Variants in PCSK6 observed in about 807,000 individuals in gnomAD.
The protein encoded by PCSK6 is proprotein convertase subtilisin/kexin type 6, also known as paired basic amino acid cleaving enzyme 4.
Under a neutral mutation model 123.3 loss-of-function variants are expected in PCSK6, and 85 were observed. That is an observed-to-expected ratio of 0.69 (90% CI 0.58 to 0.83). PCSK6 has a LOEUF of 0.83. PCSK6 is among the 40% of genes least tolerant of loss of function. PCSK6 has a pLI of 0.00. For synonymous variants in PCSK6, 508 were observed against 516.0 expected, an observed-to-expected ratio of 0.98 and a Z score of 0.21; for missense variants, 1,191 against 1,282.3, an observed-to-expected ratio of 0.93 and a Z score of 1.09.
At chr15:101,399,310 A>C (rs2042516023) in intron 6 of PCSK6, among the ~76,000 whole-genome samples, 1 of 152,212 alleles carries the variant, frequency 6.6e-6, no homozygotes, top group Admixed American at 6.5e-5. Context: ...CGTATAACTT[A>C]TGATGAACCA....
chr15:101,393,106 A>T, intron 8 of PCSK6, 106 bp downstream of exon 8: 1 of 955,364 alleles, frequency 1.0e-6, no homozygotes, highest in Non-Finnish European at 1.6e-6. Context: ...GATCCGGAAC[A>T]ATCTGGCCTC....
At chr15:101,346,262 G>C (rs1304753737) in intron 13 of PCSK6, 4 of 152,292 alleles carry the variant, frequency 2.6e-5, no homozygotes, top group East Asian at 1.9e-4. Context: ...GTACTAAGCT[G>C]TCCGCTCATA....
intron 15 of PCSK6, among the ~76,000 whole-genome samples, chr15:101,327,255 CTG>C (rs957419373): frequency 4.6e-5 from 7 of 152,200 alleles, no homozygotes; most frequent in Non-Finnish European, 8.8e-5. Flanking sequence ...GGAAAAACAA[CTG>C]AGAACTGCAG....
chr15:101,346,457 A>G (rs2040731515), intron 13 of PCSK6: 1 of 170,066 alleles, frequency 5.9e-6, no homozygotes, highest in African/African-American at 2.4e-5. Flanking sequence ...TACATGCAGC[A>G]CAGTTAGGAC....
chr15:101,489,361 C>A lies in PCSK6; in HGVS notation c.297+13G>T. On this transcript the variant is annotated intron_variant, in intron 1 of 21. Transcript: ENST00000611716. ...CGGGAAAGTTTTGGGCGCGCGGGGC[C>A]GGCCGCACTCACCTGGCCCAAGTTG... 4 of 1,169,044 alleles carry A rather than the reference C, an allele frequency of 3.4e-6. No homozygotes were observed. Among genetic ancestry groups the A allele is most frequent in the South Asian group, 2.2e-5 (1 of 45,460 alleles). 72.4% of individuals were successfully genotyped at this position (1,169,044 alleles called of 1,614,324 possible).
chr15:101,316,910 G>GGTTTTTTTTT (rs764846195), intron 19 of PCSK6, among the ~76,000 whole-genome samples: 1 of 114,972 alleles, frequency 8.7e-6, no homozygotes, highest in Admixed American at 8.8e-5. Flanking sequence ...ACTTAATTCT[G>GGTTTTTTTTT]TTTTTTTTTT....
intron 1 of PCSK6, among the ~76,000 whole-genome samples, chr15:101,455,575 C>A (rs770917574): frequency 1.3e-5 from 2 of 152,228 alleles, no homozygotes; most frequent in Non-Finnish European, 2.9e-5. Flanking sequence ...GGCCTGCTGA[C>A]CAGGTGGCAC....
intron 13 of PCSK6, among the ~76,000 whole-genome samples, chr15:101,348,625 T>C (rs55784335): frequency 0.01 from 1,592 of 152,270 alleles, 17 homozygotes; most frequent in Non-Finnish European, 0.018. Context: ...TGGACAAAGA[T>C]TGTAATCCTG....
intron 6 of PCSK6, among the ~76,000 whole-genome samples, chr15:101,403,328 C>G (rs537835356): frequency 0.036 from 5,256 of 147,224 alleles, 147 homozygotes; most frequent in Non-Finnish European, 0.05. Context: ...GCTAAATGAC[C>G]AGTTAATGGG....
At chr15:101,345,696 C>T (rs2040713848) in intron 13 of PCSK6, among the ~76,000 whole-genome samples, 1 of 152,188 alleles carries the variant, frequency 6.6e-6, no homozygotes, top group Non-Finnish European at 1.5e-5. Context: ...GAGACGGAGT[C>T]TCGTTCTGTC....
chr15:101,372,440 G>T (rs1202677965), intron 11 of PCSK6, among the ~76,000 whole-genome samples: 2 of 152,192 alleles, frequency 1.3e-5, no homozygotes, highest in African/African-American at 2.4e-5. Flanking sequence ...TTGAAAACAC[G>T]CTTTGCATGC....
Position 101,468,946 on chromosome 15 carries a change from T to G in PCSK6, c.297+20428A>C, listed in dbSNP as rs144381709. Reference sequence around the variant, plus strand: ...CAATCATATTTTACAGGTGAATGATTTGACATTCAAGGATGTCAGAGGTCC... The same window carrying G: ...CAATCATATTTTACAGGTGAATGATGTGACATTCAAGGATGTCAGAGGTCC... On this transcript the variant is annotated intron_variant, in intron 1 of 21. Coordinates refer to ENST00000611716, the MANE Select transcript of PCSK6 (RefSeq NM_002570.5). Among the ~76,000 whole-genome samples, 365 of 152,330 alleles carry G rather than the reference T, an allele frequency of 2.4e-3. 2 individuals carry two copies. Among genetic ancestry groups the G allele is most frequent in the Non-Finnish European group, 2.7e-3 (185 of 68,024 alleles).
At chr15:101,392,301 C>T (rs753125812) in intron 8 of PCSK6, among the ~76,000 whole-genome samples, 5 of 152,376 alleles carry the variant, frequency 3.3e-5, no homozygotes, top group South Asian at 2.1e-4. Flanking sequence ...TTAACCAGGC[C>T]GAGCTGCTAC....
At chr15:101,319,009 G>T (rs992660690) in intron 18 of PCSK6, among the ~76,000 whole-genome samples, 14 of 152,190 alleles carry the variant, frequency 9.2e-5, no homozygotes, top group African/African-American at 3.4e-4. Flanking sequence ...CTTCACTCCA[G>T]CCAGCCGAGT....
At position 101,343,191 on chromosome 15, in the gene PCSK6, T is replaced by C. The variant is rs193142321; in HGVS notation, c.1859-11160A>G. ...GAATTCCTTTGTCACATAATTTTAA[T>C]GTATATAGGATCTATAATCATGCGT... On this transcript the variant is annotated intron_variant, in intron 13 of 21. Transcript: ENST00000611716. Among the ~76,000 whole-genome samples the C allele has an allele frequency of 8.9e-3, 1,327 of 149,838 alleles. 24 individuals carry two copies. Among genetic ancestry groups the C allele is most frequent in the African/African-American group, 0.031 (1,263 of 40,462 alleles).
At chr15:101,342,129 C>CAAAAAAAAAAAAAAAAA (rs35083182) in intron 13 of PCSK6, among the ~76,000 whole-genome samples, 12 of 51,520 alleles carry the variant, frequency 2.3e-4, no homozygotes, top group South Asian at 9.1e-4. Flanking sequence ...GACCCTGTCT[C>CAAAAAAAAAAAAAAAAA]AAAAAAAAAA....
chr15:101,331,849 T>C lies in PCSK6; in HGVS notation c.2038+3A>G. Reference sequence around the variant, plus strand: ...CCGTCTCCTCTTACTTCAGGCTCATTACCTGTGTAATCTTCCTCATCTTCA... The same window carrying C: ...CCGTCTCCTCTTACTTCAGGCTCATCACCTGTGTAATCTTCCTCATCTTCA... On this transcript the variant is annotated splice_donor_region_variant and intron_variant, in intron 14 of 21. Coordinates refer to ENST00000611716, the MANE Select transcript of PCSK6 (RefSeq NM_002570.5). The C allele has an allele frequency of 1.2e-6, 2 of 1,612,492 alleles. No homozygotes were observed. Among genetic ancestry groups the C allele is most frequent in the Non-Finnish European group, 1.7e-6 (2 of 1,178,848 alleles).
intron 1 of PCSK6, among the ~76,000 whole-genome samples, chr15:101,450,780 C>T (rs953945458): frequency 6.6e-6 from 1 of 152,088 alleles, no homozygotes; most frequent in Non-Finnish European, 1.5e-5. Context: ...CAGTCCCCGT[C>T]CCAGGACAGC....
At chr15:101,455,130 T>C (rs1365258629) in intron 1 of PCSK6, among the ~76,000 whole-genome samples, 2 of 151,330 alleles carry the variant, frequency 1.3e-5, no homozygotes, top group South Asian at 2.1e-4. Context: ...ATATATTTTC[T>C]ATTATGTGTA....
Sources: gnomAD v4.1 joint callset for allele counts (sites outside exome capture counted in the v4.1 genomes callset) on GRCh38, gnomAD v4.1.1 for gene constraint, MANE v1.5 for transcripts, NCBI Gene and HGNC (gene_info 2026-07-23, HGNC 2026-07-21) for gene names.